The following ABCC1 variants were observed in gnomAD, a reference collection of about 807,000 sequenced individuals.
ABCC1 encodes ATP binding cassette subfamily C member 1 (ABCC1 blood group), also known as multidrug resistance-associated protein 1.
In ABCC1, 83 loss-of-function variants were observed where a neutral mutation model predicts 172.9. The observed-to-expected ratio is 0.48, with a 90% CI of 0.40 to 0.58. The LOEUF (loss-of-function observed/expected upper bound fraction) is 0.58. ABCC1 is among the 20% of genes least tolerant of loss of function. The probability of loss-of-function intolerance (pLI) is 0.00; values close to 1 mark genes in which losing one functional copy is unlikely to be tolerated. For synonymous variants in ABCC1, 937 were observed against 825.2 expected (o/e 1.14, Z -2.32); for missense variants, 1,817 against 2,002.7 (o/e 0.91, Z 1.77).
chr16:16,132,521 T>TTTGAGATGG (rs2045740545), intron 27 of ABCC1, among the ~76,000 whole-genome samples: 1 of 93,922 alleles, frequency 1.1e-5, no homozygotes, highest in African/African-American at 4.2e-5. Context: ...TTTTTTTTTT[T>TTTGAGATGG]TTTTTTTTTT....
chr16:15,970,917 A>G (rs545898942), intron 1 of ABCC1, among the ~76,000 whole-genome samples: 6 of 152,034 alleles, frequency 3.9e-5, no homozygotes, highest in Admixed American at 3.9e-4. Context: ...CCTAAAGACA[A>G]CTCCTTCTCA....
chr16:16,090,165 C>T (rs973854886), intron 18 of ABCC1, among the ~76,000 whole-genome samples: 4 of 152,170 alleles, frequency 2.6e-5, no homozygotes, highest in African/African-American at 2.4e-5. Context: ...CTTCCCCTTC[C>T]CCAGCTTTTA....
At chr16:16,128,219 C>A (rs191891578) in intron 26 of ABCC1, among the ~76,000 whole-genome samples, 3 of 152,006 alleles carry the variant, frequency 2.0e-5, no homozygotes, top group African/African-American at 4.8e-5. Context: ...AAGTCTCGCT[C>A]CAGCCTGGAG....
chr16:16,111,566 C>T lies in ABCC1; in HGVS notation c.3063C>T (p.Ala1021=). Reference sequence around the variant, plus strand: ...AAGTCCGGCTGAGCGTCTATGGAGCCCTGGGCATTTCACAAGGTTGGTGCC... The same window carrying T: ...AAGTCCGGCTGAGCGTCTATGGAGCTCTGGGCATTTCACAAGGTTGGTGCC... ...HTKVRLSVYG[A]LGISQGIAVF... Residue 1021 remains alanine, a synonymous_variant, in exon 22 of 31, where the codon GCC becomes GCT. Coordinates refer to ENST00000399410, the MANE Select transcript of ABCC1 (RefSeq NM_004996.4). The T allele has an allele frequency of 2.5e-6, 4 of 1,613,282 alleles. No individual in the cohort carries two copies. Among genetic ancestry groups the T allele is most frequent in the Non-Finnish European group, 3.4e-6 (4 of 1,179,958 alleles).
rs182761278 is a variant in ABCC1, at chr16:16,107,255, T to G, written c.2871+382T>G. ...TGGTGTCCGGTTGTGCACAGACGCA[T>G]TAAATGACAGAGGAATGTTTGTTTC... On this transcript the variant is annotated intron_variant, in intron 21 of 30. Coordinates refer to ENST00000399410, the MANE Select transcript of ABCC1 (RefSeq NM_004996.4). 1.1e-4 allele frequency among the ~76,000 whole-genome samples: 17 copies of G among 152,278 alleles called. 1 individual carries two copies. Among genetic ancestry groups the G allele is most frequent in the Admixed American group, 9.8e-4 (15 of 15,290 alleles).
chr16:16,112,111 G>A (rs1380283265), intron 22 of ABCC1, among the ~76,000 whole-genome samples: 1 of 152,110 alleles, frequency 6.6e-6, no homozygotes, highest in Admixed American at 6.6e-5. Flanking sequence ...CCACACTTTG[G>A]GAGGCTGAAG....
chr16:15,957,131 G>C (rs2046015319), intron 1 of ABCC1, among the ~76,000 whole-genome samples: 1 of 151,954 alleles, frequency 6.6e-6, no homozygotes, highest in Non-Finnish European at 1.5e-5. Context: ...CCAGGCTGGA[G>C]TGCAGTGGCG....
chr16:16,132,671 G>A (rs1185967233), intron 27 of ABCC1, among the ~76,000 whole-genome samples: 7 of 151,396 alleles, frequency 4.6e-5, no homozygotes, highest in East Asian at 1.9e-4. Context: ...ACAGGCATGC[G>A]CCACCATGCC....
At chr16:16,117,617 C>G (rs749629114) in intron 23 of ABCC1, among the ~76,000 whole-genome samples, 3 of 152,096 alleles carry the variant, frequency 2.0e-5, no homozygotes, top group Admixed American at 6.6e-5. Flanking sequence ...CAAAAACTTT[C>G]AGTTGGGCCT....
At chr16:16,075,561 A>G (rs919932835) in intron 14 of ABCC1, among the ~76,000 whole-genome samples, 9 of 151,918 alleles carry the variant, frequency 5.9e-5, no homozygotes, top group Non-Finnish European at 1.2e-4. Context: ...CGCCTGGGAG[A>G]TGGAGGTTGC....
chr16:16,094,171 G>A (rs899673426), intron 19 of ABCC1: 25 of 254,270 alleles, frequency 9.8e-5, no homozygotes, highest in Non-Finnish European at 1.5e-4. Context: ...GTGAGCTCAC[G>A]TATGGGTTAA....
intron 1 of ABCC1, among the ~76,000 whole-genome samples, chr16:15,990,259 C>G (rs1032957115): frequency 1.3e-5 from 2 of 152,144 alleles, no homozygotes; most frequent in African/African-American, 4.8e-5. Context: ...AGTGGCCAGG[C>G]TGGTCTTGAA....
intron 1 of ABCC1, among the ~76,000 whole-genome samples, chr16:15,997,594 C>A (rs1166473159): frequency 6.6e-6 from 1 of 152,072 alleles, no homozygotes; most frequent in Non-Finnish European, 1.5e-5. Flanking sequence ...CCTCGGGTAG[C>A]TGTGATTCTT....
At chr16:15,993,734 C>T (rs1253123680) in intron 1 of ABCC1, among the ~76,000 whole-genome samples, 2 of 134,542 alleles carry the variant, frequency 1.5e-5, no homozygotes, top group Non-Finnish European at 3.1e-5. Context: ...TAACCACTAC[C>T]CTGCACTGCT....
chr16:16,085,103 T>C (rs1416472285), intron 17 of ABCC1, among the ~76,000 whole-genome samples: 2 of 152,170 alleles, frequency 1.3e-5, no homozygotes, highest in Non-Finnish European at 1.5e-5. Flanking sequence ...GCAGAGAGCA[T>C]GGTTCCTGTG....
In ABCC1 at chr16:16,086,978, T is replaced by G; in HGVS notation, c.2447T>G (p.Met816Arg). Residue 816 changes from methionine (M) to arginine (R), a missense_variant, in exon 18 of 31, where the codon ATG becomes AGG. Met to Arg is a moderately conservative substitution (Grantham distance 91). This residue lies in a region of ABCC1 where 1,412 missense variants were observed against 1,600.3 expected (regional missense o/e 0.88). Coordinates refer to ENST00000399410, the MANE Select transcript of ABCC1 (RefSeq NM_004996.4). ...IFENVIGPKG[M>R]LKNKTRILVT... ...GAAAATGTGATTGGCCCCAAGGGGA[T>G]GCTGAAGAACAAGGTGCCTGCTGGC... The G allele has an allele frequency of 6.2e-7, 1 of 1,614,206 alleles. No individual in the cohort carries two copies. The highest frequency in any genetic ancestry group is 8.5e-7 in the Non-Finnish European group (1 of 1,180,036).
intron 20 of ABCC1, among the ~76,000 whole-genome samples, chr16:16,103,235 C>T (rs1399565586): frequency 2.0e-5 from 3 of 152,112 alleles, no homozygotes; most frequent in South Asian, 2.1e-4. Flanking sequence ...TCCTTAGATC[C>T]CTGGGGATTT....
intron 28 of ABCC1, among the ~76,000 whole-genome samples, chr16:16,136,045 T>G (rs1319488400): frequency 6.6e-6 from 1 of 152,054 alleles, no homozygotes; most frequent in Non-Finnish European, 1.5e-5. Context: ...TAAGGCAATT[T>G]TTTTTTTGGA....
At chr16:16,103,703 C>G (rs1025597826) in intron 20 of ABCC1, among the ~76,000 whole-genome samples, 1 of 152,186 alleles carries the variant, frequency 6.6e-6, no homozygotes, top group South Asian at 2.1e-4. Flanking sequence ...CCCGGACCTG[C>G]AGTTGCTACA....
Sources: gnomAD v4.1 joint callset for allele counts (sites outside exome capture counted in the v4.1 genomes callset) on GRCh38, gnomAD v4.1.1 for gene constraint, gnomAD v4.1.1 regional missense constraint, MANE v1.5 for transcripts, NCBI Gene and HGNC (gene_info 2026-07-23, HGNC 2026-07-21) for gene names.